NTNG1: variants seen among roughly 807,000 people sequenced by gnomAD.
NTNG1 encodes the protein netrin-G1.
A neutral mutation model predicts 54.0 loss-of-function variants in NTNG1; 16 were observed. The observed-to-expected ratio is 0.30, with a 90% CI of 0.20 to 0.45. The LOEUF is 0.45. Ranked by LOEUF, NTNG1 falls within the 20% of genes least tolerant of loss-of-function variation. NTNG1 has a pLI of 1.00. For missense variants in NTNG1, 530 were observed against 678.7 expected, an observed-to-expected ratio of 0.78 and a Z score of 2.43; for synonymous variants, 255 against 263.1, an observed-to-expected ratio of 0.97 and a Z score of 0.30.
chr1:107,372,447 A>G (rs180915022), intron 3 of NTNG1, among the ~76,000 whole-genome samples: 2 of 152,132 alleles, frequency 1.3e-5, no homozygotes, highest in East Asian at 1.9e-4. Flanking sequence ...AGATGTATAT[A>G]TTTATTTACC....
chr1:107,439,274 T>TTGTGTGTGTGTGTGTG (rs1172478492), intron 7 of NTNG1, among the ~76,000 whole-genome samples: 1 of 62,518 alleles, frequency 1.6e-5, no homozygotes, highest in Non-Finnish European at 3.7e-5. Flanking sequence ...GTTCCAGAAC[T>TTGTGTGTGTGTGTGTG]TGCGTGTGTG....
intron 5 of NTNG1, chr1:107,409,343 G>A (rs139494064): frequency 5.3e-5 from 8 of 152,366 alleles, no homozygotes; most frequent in Non-Finnish European, 7.3e-5. Flanking sequence ...TTTCAGAAAT[G>A]GATGGATGGA....
At chr1:107,285,332 TGAA>T (rs547661477) in intron 2 of NTNG1, among the ~76,000 whole-genome samples, 10 of 152,166 alleles carry the variant, frequency 6.6e-5, no homozygotes, top group Non-Finnish European at 1.0e-4. Context: ...TTACTGATGA[TGAA>T]TCATAGGAAA....
chr1:107,260,105 T>A (rs1028347300), intron 2 of NTNG1, among the ~76,000 whole-genome samples: 13 of 152,198 alleles, frequency 8.5e-5, no homozygotes, highest in Non-Finnish European at 1.6e-4. Context: ...TTTGGCCATG[T>A]CTCTTCATGA....
chr1:107,203,732 A>C (rs1259525208), intron 2 of NTNG1, among the ~76,000 whole-genome samples: 1 of 151,470 alleles, frequency 6.6e-6, no homozygotes, highest in African/African-American at 2.4e-5. Flanking sequence ...CAGACTTGGA[A>C]TTTTTTATCT....
chr1:107,324,665 C>T lies in NTNG1; in HGVS notation c.630C>T (p.Tyr210=). The T allele has an allele frequency of 6.2e-7, 1 of 1,613,608 alleles. No homozygotes were observed. The highest frequency in any genetic ancestry group is 8.5e-7 in the Non-Finnish European group (1 of 1,179,808). The change falls in exon 3 of 8, where the codon TAC becomes TAT. Residue 210 remains tyrosine, a synonymous_variant. Transcript: ENST00000370068. The part of the protein sequence containing the change: ...TVLEIICTEE[Y]STGYTTNSKI... ...TAGAAATCATTTGCACAGAAGAGTA[C>T]TCAACAGGGTATACAACAAATAGCA... is the stretch of plus-strand genomic sequence containing the variant.
At position 107,247,581 on chromosome 1, in the gene NTNG1, G is replaced by C. The variant is rs184037480; in HGVS notation, c.247-76701G>C. On this transcript the variant is annotated intron_variant, in intron 2 of 7. Transcript: ENST00000370068. The stretch of plus-strand genomic sequence containing the variant: ...TTCAATTTTTGCCTTAATACTGTGA[G>C]TTTGGGTCCCAATCTTAGAACTTGA... Among the ~76,000 whole-genome samples the C allele has an allele frequency of 3.8e-3, 576 of 152,286 alleles. 6 individuals carry two copies. Among genetic ancestry groups the C allele is most frequent in the Non-Finnish European group, 3.6e-3 (248 of 68,024 alleles).
At chr1:107,150,862 C>T (rs1263021973) in intron 2 of NTNG1, among the ~76,000 whole-genome samples, 1 of 152,190 alleles carries the variant, frequency 6.6e-6, no homozygotes, top group Non-Finnish European at 1.5e-5. Context: ...GTCCATTCCT[C>T]TCAGTCCATT....
In NTNG1 at chr1:107,480,638, A is replaced by T. The variant is rs755925920; in HGVS notation, c.1418A>T (p.His473Leu). 1 of 1,332,216 alleles carries T rather than the reference A, an allele frequency of 7.5e-7. No individual in the cohort carries two copies. The highest frequency in any genetic ancestry group is 9.9e-7 in the Non-Finnish European group (1 of 1,011,102). 82.5% of individuals were successfully genotyped at this position (1,332,216 alleles called of 1,614,324 possible). The change falls in exon 8 of 8, where the codon CAC becomes CTC. Residue 473 changes from histidine to leucine, a missense_variant. Physicochemically the swap from His to Leu is moderately conservative, Grantham distance 99. Coordinates refer to ENST00000370068, the MANE Select transcript of NTNG1 (RefSeq NM_001113226.3). ...QPNVCDNELL[H>L]CQNGGTCHNN... ...AATGTCTGCGACAACGAGCTCCTGC[A>T]CTGCCAGAACGGAGGGACGTGCCAC... is the stretch of plus-strand genomic sequence containing the variant.
intron 3 of NTNG1, among the ~76,000 whole-genome samples, chr1:107,381,384 T>G (rs1671638481): frequency 6.7e-6 from 1 of 149,220 alleles, no homozygotes; most frequent in Non-Finnish European, 1.5e-5. Flanking sequence ...AAAGTCACTT[T>G]ATTTTAACTA....
chr1:107,185,595 G>T (rs1163069127), intron 2 of NTNG1, among the ~76,000 whole-genome samples: 3 of 152,170 alleles, frequency 2.0e-5, no homozygotes, highest in Non-Finnish European at 4.4e-5. Context: ...TGAGGTTTGA[G>T]TGGCTATGAA....
intron 2 of NTNG1, among the ~76,000 whole-genome samples, chr1:107,200,597 T>A (rs1658676559): frequency 6.6e-6 from 1 of 151,782 alleles, no homozygotes; most frequent in Non-Finnish European, 1.5e-5. Context: ...ACCGTCCTTT[T>A]AATACTCTTT....
intron 7 of NTNG1, among the ~76,000 whole-genome samples, chr1:107,470,672 G>A (rs1677924526): frequency 6.6e-6 from 1 of 152,172 alleles, no homozygotes; most frequent in Non-Finnish European, 1.5e-5. Context: ...TTCACCTTCA[G>A]CTAAGAGTAG....
chr1:107,441,587 G>A (rs1675969533), intron 7 of NTNG1, among the ~76,000 whole-genome samples: 1 of 152,054 alleles, frequency 6.6e-6, no homozygotes, highest in Non-Finnish European at 1.5e-5. Flanking sequence ...GGAACCATGT[G>A]AATAGATTGG....
At chr1:107,283,441 A>G (rs1664995354) in intron 2 of NTNG1, among the ~76,000 whole-genome samples, 1 of 152,160 alleles carries the variant, frequency 6.6e-6, no homozygotes, top group South Asian at 2.1e-4. Flanking sequence ...TCCTCAGATA[A>G]AGAGCACCAA....
chr1:107,298,770 A>T (rs1305097307), intron 2 of NTNG1, among the ~76,000 whole-genome samples: 1 of 152,154 alleles, frequency 6.6e-6, no homozygotes, highest in Non-Finnish European at 1.5e-5. Context: ...ATGTGACTGA[A>T]CAAGGGCAAC....
chr1:107,376,036 C>A (rs192319970), intron 3 of NTNG1, among the ~76,000 whole-genome samples: 84 of 152,276 alleles, frequency 5.5e-4, no homozygotes, highest in African/African-American at 1.9e-3. Context: ...TAGTAATTTG[C>A]CAACATTTAT....
intron 3 of NTNG1, among the ~76,000 whole-genome samples, chr1:107,391,861 G>A (rs1360341214): frequency 6.6e-6 from 1 of 152,112 alleles, no homozygotes; most frequent in Non-Finnish European, 1.5e-5. Flanking sequence ...TAGCATTGGA[G>A]ATCACATTTC....
chr1:107,238,970 CA>C, intron 2 of NTNG1, among the ~76,000 whole-genome samples: 1 of 152,098 alleles, frequency 6.6e-6, no homozygotes, highest in South Asian at 2.1e-4. Flanking sequence ...GAGGCGAAGA[CA>C]AACTGTTATC....
Sources: gnomAD v4.1 joint callset for allele counts (sites outside exome capture counted in the v4.1 genomes callset) on GRCh38, gnomAD v4.1.1 for gene constraint, MANE v1.5 for transcripts, NCBI Gene and HGNC (gene_info 2026-07-23, HGNC 2026-07-21) for gene names.